Variants in MICAL2 observed in about 807,000 individuals in gnomAD.
MICAL2 encodes [F-actin]-monooxygenase MICAL2.
A neutral mutation model predicts 127.3 loss-of-function variants in MICAL2; 77 were observed. The ratio of observed to expected loss-of-function variants is 0.60; its 90% CI spans 0.50 to 0.73. The LOEUF is 0.73. Among genes scored for constraint, MICAL2 ranks in the 30% least tolerant of loss-of-function variants. The pLI is 0.00. For synonymous variants in MICAL2, 570 were observed against 551.1 expected (o/e 1.03, Z -0.48); for missense variants, 1,351 against 1,434.4 (o/e 0.94, Z 0.94).
chr11:12,262,536 A>C lies in MICAL2; in HGVS notation c.*16A>C. 5 of 1,611,930 alleles carry C rather than the reference A, an allele frequency of 3.1e-6. No homozygotes were observed. The highest frequency in any genetic ancestry group is 4.2e-6 in the Non-Finnish European group (5 of 1,178,128). ...TCTTGGCTGACACACTTCTGCTCTA[A>C]GGTGACTGGTTTTCTTGCCAATTTT... On this transcript the variant is annotated splice_region_variant and 3_prime_UTR_variant, in exon 27 of 28. Transcript: ENST00000683283.
intron 3 of MICAL2, among the ~76,000 whole-genome samples, chr11:12,178,571 G>A (rs2133929589): frequency 6.6e-6 from 1 of 152,176 alleles, no homozygotes; most frequent in East Asian, 1.9e-4. Context: ...GTTTAAGTTG[G>A]CATAAAGAAA....
chr11:12,249,053 G>T, intron 21 of MICAL2, 131 bp from the exon 22 acceptor site: 6 of 1,124,716 alleles, frequency 5.3e-6, no homozygotes, highest in South Asian at 1.6e-5. Flanking sequence ...AGGGTAACTG[G>T]AATACTGCAA....
chr11:12,129,499 C>T (rs1349425448), intron 1 of MICAL2, among the ~76,000 whole-genome samples: 1 of 152,104 alleles, frequency 6.6e-6, no homozygotes, highest in Non-Finnish European at 1.5e-5. Flanking sequence ...AAGCTTTGTT[C>T]TGGAGTTTCA....
intron 3 of MICAL2, among the ~76,000 whole-genome samples, chr11:12,168,212 C>T (rs1855759488): frequency 6.6e-6 from 1 of 150,580 alleles, no homozygotes; most frequent in Non-Finnish European, 1.5e-5. Context: ...GTTAGTCACA[C>T]ATATACACAC....
At chr11:12,302,474 A>T (rs1433540077) in intron 29 of MICAL2, among the ~76,000 whole-genome samples, 2 of 152,184 alleles carry the variant, frequency 1.3e-5, no homozygotes, top group Non-Finnish European at 2.9e-5. Flanking sequence ...TTACAGGTGT[A>T]CAGTGGTGTC....
At chr11:12,294,941 C>T, downstream of MICAL2, 1 of 1,368,496 alleles carries the variant, frequency 7.3e-7, no homozygotes, top group Non-Finnish European at 9.4e-7. Context: ...AGGCATCTTT[C>T]ACTTCGTTTT....
intron 4 of MICAL2, among the ~76,000 whole-genome samples, chr11:12,207,321 A>T (rs966365419): frequency 6.6e-6 from 1 of 152,246 alleles, no homozygotes; most frequent in Admixed American, 6.5e-5. Context: ...ATAGATGCTC[A>T]ATAAATACTA....
At chr11:12,293,418 C>T, downstream of MICAL2, 1 of 1,092,596 alleles carries the variant, frequency 9.2e-7, no homozygotes, top group Non-Finnish European at 1.3e-6. Flanking sequence ...TTAAAATCAT[C>T]TTAGGCAAAA....
chr11:12,224,855 AG>A, intron 13 of MICAL2, 35 bp downstream of exon 13: 1 of 1,588,526 alleles, frequency 6.3e-7, no homozygotes. Context: ...CCTGGAGACG[AG>A]GGATGCCAAG....
At chr11:12,286,734 G>A (rs12574315) in intron 2 of MICAL2, among the ~76,000 whole-genome samples, 6,309 of 152,212 alleles carry the variant, frequency 0.041, 216 homozygotes, top group Admixed American at 0.096. Context: ...AATTATCTGC[G>A]TGTCGTGGTG....
rs112798566 is a variant in MICAL2 at position 12,182,850 on chromosome 11, C to G, written c.264+20431C>G. Among the ~76,000 whole-genome samples, 548 of 152,284 alleles carry G rather than the reference C, an allele frequency of 3.6e-3. 5 individuals carry two copies. The highest frequency in any genetic ancestry group is 0.012 in the African/African-American group (519 of 41,544). On this transcript the variant is annotated intron_variant, in intron 3 of 27. Transcript: ENST00000683283. ...GGTTGGGAATGTGTAGGCCGATCCT[C>G]TGCTCACTGGAGTGCTTGCAAGAGG...
chr11:12,162,130 C>T lies in MICAL2; in HGVS notation c.-26C>T, dbSNP rs1013972346. ...GCTGTTCACCTGTGTCCTCGCCGCA[C>T]CACTGCCGCACACGACTCCTGAACC... On this transcript the variant is annotated 5_prime_UTR_variant, in exon 3 of 28. Coordinates refer to ENST00000683283, the MANE Select transcript of MICAL2 (RefSeq NM_001282663.2). The T allele has an allele frequency of 6.2e-7, 1 of 1,613,700 alleles. No individual in the cohort carries two copies. Among genetic ancestry groups the T allele is most frequent in the South Asian group, 1.1e-5 (1 of 91,046 alleles).
chr11:12,220,128 T>C lies in MICAL2; in HGVS notation c.949-73T>C, dbSNP rs151294613. On this transcript the variant is annotated intron_variant, in intron 8 of 27. Transcript: ENST00000683283. The stretch of plus-strand genomic sequence containing the variant: ...CTGTAGGGACCCATTCCAAGTCCTT[T>C]TGCCAAGAGGTGGGTATGAAGGCTA... The C allele has an allele frequency of 4.3e-4, 683 of 1,577,990 alleles. 7 individuals carry two copies. In the African/African-American group the frequency reaches 8.2e-3, roughly 19 times the overall value.
Position 12,322,565 on chromosome 11 carries a change from T to G in MICAL2, c.5329-1413T>G, listed in dbSNP as rs539824815. Among the ~76,000 whole-genome samples, 38 of 152,298 alleles carry G rather than the reference T, an allele frequency of 2.5e-4. No homozygotes were observed. The South Asian group carries it at 7.7e-3, about 31-fold the overall frequency. ...AAGCTAGCTACGACAATTTTTAAATTTCATATTTATTTATTCCAGCATTAA... is the reference window on the plus strand; with the variant it reads ...AAGCTAGCTACGACAATTTTTAAATGTCATATTTATTTATTCCAGCATTAA... On this transcript the variant is annotated intron_variant, in intron 30 of 34. Coordinates refer to the MICAL2 transcript ENST00000646065.
intron 29 of MICAL2, among the ~76,000 whole-genome samples, chr11:12,313,817 A>G (rs932710227): frequency 5.9e-5 from 9 of 152,034 alleles, no homozygotes; most frequent in African/African-American, 2.2e-4. Flanking sequence ...TAGTTAAGTA[A>G]GTTTTTGCTT....
chr11:12,224,579 G>T, intron 12 of MICAL2, 94 bp from the exon 13 acceptor site: 3 of 1,521,968 alleles, frequency 2.0e-6, no homozygotes, highest in Non-Finnish European at 2.7e-6. Flanking sequence ...CGCTCGTCCT[G>T]GTCCCCAGCC....
At chr11:12,202,833 A>G (rs1854195487) in intron 3 of MICAL2, among the ~76,000 whole-genome samples, 2 of 152,180 alleles carry the variant, frequency 1.3e-5, no homozygotes, top group Non-Finnish European at 2.9e-5. Flanking sequence ...ATAGTACACA[A>G]TTCAGTGGTT....
intron 32 of MICAL2, among the ~76,000 whole-genome samples, chr11:12,348,246 C>T (rs1336998707): frequency 1.3e-5 from 2 of 151,578 alleles, no homozygotes; most frequent in Non-Finnish European, 2.9e-5. Context: ...ACTCACCATA[C>T]CAAACACAAT....
chr11:12,167,013 G>A (rs1855586049), intron 3 of MICAL2, among the ~76,000 whole-genome samples: 1 of 152,090 alleles, frequency 6.6e-6, no homozygotes, highest in Admixed American at 6.5e-5. Context: ...GGAAAGGCTG[G>A]AGGAAAACGC....
Sources: allele counts gnomAD v4.1 joint callset (sites outside exome capture counted in the v4.1 genomes callset), GRCh38; gene constraint gnomAD v4.1.1; transcripts MANE v1.5; gene names NCBI Gene and HGNC (gene_info 2026-07-23, HGNC 2026-07-21).